The following STK32B variants were observed in gnomAD, a reference collection of about 807,000 sequenced individuals.
STK32B encodes the protein serine/threonine kinase 32B, also known as serine/threonine-protein kinase 32B.
STK32B carries 43 observed loss-of-function variants against 52.6 expected under a neutral mutation model. The ratio of observed to expected loss-of-function variants is 0.82; its 90% CI spans 0.64 to 1.05. The LOEUF is 1.05. STK32B is among the 50% of genes least tolerant of loss of function. STK32B has a pLI of 0.00. For missense variants in STK32B, 621 were observed against 534.6 expected, an observed-to-expected ratio of 1.16 and a Z score of -1.59; for synonymous variants, 238 against 204.3, an observed-to-expected ratio of 1.17 and a Z score of -1.41.
intron 1 of STK32B, among the ~76,000 whole-genome samples, chr4:5,137,779 T>G (rs562772994): frequency 6.6e-6 from 1 of 152,078 alleles, no homozygotes; most frequent in Non-Finnish European, 1.5e-5. Flanking sequence ...AAATGGTTAG[T>G]TGGGGGTTGG....
intron 3 of STK32B, among the ~76,000 whole-genome samples, chr4:5,302,459 T>A (rs1729628667): frequency 6.6e-6 from 1 of 152,130 alleles, no homozygotes; most frequent in South Asian, 2.1e-4. Context: ...CATTGTACAT[T>A]TAGATCTACA....
chr4:5,388,441 T>A (rs77891185), intron 4 of STK32B, among the ~76,000 whole-genome samples: 5,364 of 152,262 alleles, frequency 0.035, 368 homozygotes, highest in Admixed American at 0.17. Flanking sequence ...CACACAGTAT[T>A]GGAGTAAGGA....
rs569161277 is a variant in STK32B, at chr4:5,274,521, A to G, written c.261-56699A>G. On this transcript the variant is annotated intron_variant, in intron 3 of 11. Transcript: ENST00000282908. The stretch of plus-strand genomic sequence containing the variant: ...ATCCACCTTTAAACACGGGGCTTGC[A>G]ACTTAGCTCACACCTGACCAATCAG... Among the ~76,000 whole-genome samples, 8 of 151,954 alleles carry G rather than the reference A, an allele frequency of 5.3e-5. No homozygotes were observed. The East Asian group carries it at 1.5e-3, about 29-fold the overall frequency.
At chr4:5,162,271 T>C (rs1239008680) in intron 2 of STK32B, among the ~76,000 whole-genome samples, 1 of 152,160 alleles carries the variant, frequency 6.6e-6, no homozygotes, top group Non-Finnish European at 1.5e-5. Flanking sequence ...TTCTTGAAGA[T>C]TGCAGTGAAA....
At chr4:5,465,322 C>T (rs1717353077) in intron 9 of STK32B, among the ~76,000 whole-genome samples, 1 of 151,842 alleles carries the variant, frequency 6.6e-6, no homozygotes, top group Non-Finnish European at 1.5e-5. Flanking sequence ...AAACTGAGGC[C>T]CATAGAGGTT....
chr4:5,070,652 G>T (rs1354838685), intron 1 of STK32B, among the ~76,000 whole-genome samples: 1 of 152,162 alleles, frequency 6.6e-6, no homozygotes, highest in Non-Finnish European at 1.5e-5. Flanking sequence ...TCCTTGTGAA[G>T]AGGTGAAATT....
chr4:5,263,421 A>G (rs1398665089), intron 3 of STK32B, among the ~76,000 whole-genome samples: 2 of 152,194 alleles, frequency 1.3e-5, no homozygotes, highest in Non-Finnish European at 2.9e-5. Flanking sequence ...CTCTCCCTGC[A>G]GAACTCTGTG....
chr4:5,484,994 C>T (rs956284955), intron 11 of STK32B, among the ~76,000 whole-genome samples: 3 of 151,974 alleles, frequency 2.0e-5, no homozygotes, highest in African/African-American at 2.4e-5. Flanking sequence ...GTGGGTAACC[C>T]GACCTTTCTC....
intron 3 of STK32B, among the ~76,000 whole-genome samples, chr4:5,245,751 CT>C (rs914596429): frequency 6.6e-6 from 1 of 152,078 alleles, no homozygotes; most frequent in African/African-American, 2.4e-5. Flanking sequence ...TTCAGGAGCT[CT>C]TTTAGGGCAG....
At chr4:5,249,680 TCAAATA>T (rs1316866706) in intron 3 of STK32B, among the ~76,000 whole-genome samples, 1 of 152,164 alleles carries the variant, frequency 6.6e-6, no homozygotes, top group African/African-American at 2.4e-5. Context: ...GATCCAGATA[TCAAATA>T]CAGAGGCAGG....
chr4:5,436,535 G>A, intron 6 of STK32B: 1 of 952,350 alleles, frequency 1.1e-6, no homozygotes. Context: ...GCAGTGAGAA[G>A]GACAGATTGG....
intron 7 of STK32B, among the ~76,000 whole-genome samples, chr4:5,447,788 G>A (rs554630947): frequency 5.9e-5 from 9 of 152,170 alleles, no homozygotes; most frequent in African/African-American, 1.9e-4. Context: ...TCTATTTAGC[G>A]GAGCTGGAGT....
intron 3 of STK32B, among the ~76,000 whole-genome samples, chr4:5,176,794 A>G (rs1265787942): frequency 6.6e-6 from 1 of 152,142 alleles, no homozygotes; most frequent in Non-Finnish European, 1.5e-5. Flanking sequence ...ACACCAACAG[A>G]TTAGTGACAG....
intron 3 of STK32B, among the ~76,000 whole-genome samples, chr4:5,227,707 C>G: frequency 6.6e-6 from 1 of 152,168 alleles, no homozygotes; most frequent in South Asian, 2.1e-4. Flanking sequence ...GTGCTTTCTC[C>G]CCCCCTGGAG....
At chr4:5,189,653 A>C (rs1468372438) in intron 3 of STK32B, among the ~76,000 whole-genome samples, 1 of 152,054 alleles carries the variant, frequency 6.6e-6, no homozygotes, top group Non-Finnish European at 1.5e-5. Context: ...TACATTTTCA[A>C]CTCCTTTGCA....
At chr4:5,377,569 G>A (rs1255960218) in intron 4 of STK32B, among the ~76,000 whole-genome samples, 3 of 152,074 alleles carry the variant, frequency 2.0e-5, no homozygotes, top group East Asian at 3.8e-4. Context: ...GATATGGTTC[G>A]CCTCTATGTC....
intron 1 of STK32B, among the ~76,000 whole-genome samples, chr4:5,116,762 C>T (rs1714743572): frequency 6.6e-6 from 1 of 152,210 alleles, no homozygotes; most frequent in Admixed American, 6.5e-5. Context: ...ACAGTATTGA[C>T]TCTTCCAATC....
In STK32B at chr4:5,242,892, A is replaced by G. The variant is rs1335512133; in HGVS notation, c.260+74442A>G. On this transcript the variant is annotated intron_variant, in intron 3 of 11. Coordinates refer to ENST00000282908, the MANE Select transcript of STK32B (RefSeq NM_018401.3). The stretch of plus-strand genomic sequence containing the variant: ...TGTCAAAGATCAGATGGTTGTAGGT[A>G]TGCGGCATTATTTCTGAGGCCTCTG... Among the ~76,000 whole-genome samples, 8 of 152,106 alleles carry G rather than the reference A, an allele frequency of 5.3e-5. No homozygotes were observed. The East Asian group carries it at 1.5e-3, about 29-fold the overall frequency.
At chr4:5,193,168 C>CG (rs1721366156) in intron 3 of STK32B, among the ~76,000 whole-genome samples, 1 of 152,098 alleles carries the variant, frequency 6.6e-6, no homozygotes, top group East Asian at 1.9e-4. Context: ...ACTGTCCTCT[C>CG]GTGCCTCCTG....
Sources: gnomAD v4.1 joint callset for allele counts (sites outside exome capture counted in the v4.1 genomes callset) on GRCh38, gnomAD v4.1.1 for gene constraint, MANE v1.5 for transcripts, NCBI Gene and HGNC (gene_info 2026-07-23, HGNC 2026-07-21) for gene names.